Variants in ZC3H18 observed in about 807,000 individuals in gnomAD.
The protein encoded by ZC3H18 is zinc finger CCCH domain-containing protein 18.
A neutral mutation model predicts 106.1 loss-of-function variants in ZC3H18; 8 were observed. The ratio of observed to expected loss-of-function variants is 0.08; its 90% CI spans 0.04 to 0.14. ZC3H18 has a LOEUF of 0.14. ZC3H18 is among the 10% of genes least tolerant of loss of function. The probability of loss-of-function intolerance (pLI) is 1.00; values close to 1 mark genes in which losing one functional copy is unlikely to be tolerated. For synonymous variants in ZC3H18, 635 were observed against 522.1 expected, an observed-to-expected ratio of 1.22 and a Z score of -2.95; for missense variants, 1,318 against 1,278.4, an observed-to-expected ratio of 1.03 and a Z score of -0.47.
chr16:88,584,979 G>T (rs1263617783), intron 2 of ZC3H18, among the ~76,000 whole-genome samples: 2 of 152,218 alleles, frequency 1.3e-5, no homozygotes, highest in Non-Finnish European at 2.9e-5. Flanking sequence ...AACAAAGAAT[G>T]TGTTCTCCAC....
At chr16:88,628,247 C>G (rs956192161) in intron 15 of ZC3H18, 128 bp downstream of exon 15, 1 of 1,071,030 alleles carries the variant, frequency 9.3e-7, no homozygotes, top group African/African-American at 1.6e-5. Context: ...GGTGTCAGCA[C>G]AGCCTGGGTA....
chr16:88,622,124 C>G (rs1381782848), intron 8 of ZC3H18, 73 bp from the exon 9 acceptor site: 11 of 1,503,132 alleles, frequency 7.3e-6, no homozygotes, highest in Non-Finnish European at 9.0e-6. Flanking sequence ...TAGTCTCTCC[C>G]GCTGCTGTCA....
chr16:88,590,269 G>A (rs971872622), intron 3 of ZC3H18, among the ~76,000 whole-genome samples: 3 of 152,140 alleles, frequency 2.0e-5, no homozygotes, highest in African/African-American at 4.8e-5. Context: ...CTTTATCTCC[G>A]ACACGTTGTG....
intron 6 of ZC3H18, among the ~76,000 whole-genome samples, chr16:88,608,014 T>A (rs1362782753): frequency 2.6e-5 from 4 of 152,262 alleles, no homozygotes; most frequent in Admixed American, 1.3e-4. Flanking sequence ...ATAATCTGTG[T>A]CTGTGAAGAC....
chr16:88,614,580 T>A (rs1905465173), intron 8 of ZC3H18, among the ~76,000 whole-genome samples: 1 of 152,222 alleles, frequency 6.6e-6, no homozygotes, highest in Non-Finnish European at 1.5e-5. Context: ...TGTGCTGTAT[T>A]TGTCATACTT....
At chr16:88,600,065 T>C (rs1313628757) in intron 6 of ZC3H18, 117 bp downstream of exon 6, 13 of 1,305,512 alleles carry the variant, frequency 1.0e-5, no homozygotes, top group South Asian at 1.4e-5. Flanking sequence ...CCCCACTCAC[T>C]GGAGTCTCAG....
chr16:88,599,056 G>A (rs1462963556), intron 5 of ZC3H18, among the ~76,000 whole-genome samples: 1 of 152,190 alleles, frequency 6.6e-6, no homozygotes, highest in African/African-American at 2.4e-5. Flanking sequence ...GTCTCAGGCA[G>A]CAGCCCAGTA....
chr16:88,571,607 G>A (rs541617945), intron 1 of ZC3H18: 3 of 985,304 alleles, frequency 3.0e-6, no homozygotes, highest in African/African-American at 3.5e-5. Context: ...CTCCTCTCCC[G>A]TTGTAGGTGG....
At chr16:88,621,921 A>G (rs1199868783) in intron 8 of ZC3H18, among the ~76,000 whole-genome samples, 1 of 152,206 alleles carries the variant, frequency 6.6e-6, no homozygotes, top group Non-Finnish European at 1.5e-5. Flanking sequence ...TAAGTAAGTA[A>G]TGACACTCAC....
At chr16:88,571,551 G>A in intron 1 of ZC3H18, 1 of 899,400 alleles carries the variant, frequency 1.1e-6, no homozygotes, top group Non-Finnish European at 1.3e-6. Context: ...GCAGTATGGA[G>A]CCCAGCCAGC....
intron 2 of ZC3H18, among the ~76,000 whole-genome samples, chr16:88,583,532 C>T (rs1354064135): frequency 6.6e-6 from 1 of 152,246 alleles, no homozygotes; most frequent in Non-Finnish European, 1.5e-5. Context: ...GTCATGACAG[C>T]CTGGACCCAG....
At position 88,631,331 on chromosome 16, in the gene ZC3H18, A is replaced by G; in HGVS notation, c.*32A>G. 1 of 1,554,002 alleles carries G rather than the reference A, an allele frequency of 6.4e-7. No individual in the cohort carries two copies. Among genetic ancestry groups the G allele is most frequent in the Non-Finnish European group, 8.7e-7 (1 of 1,148,382 alleles). The stretch of plus-strand genomic sequence containing the variant: ...CCCCGACCGGACTGGACGCATTTTT[A>G]TACATAGGGTAAGCGCAGCCATTTT... On this transcript the variant is annotated 3_prime_UTR_variant, in exon 18 of 18. Coordinates refer to ENST00000301011, the MANE Select transcript of ZC3H18 (RefSeq NM_144604.4).
Position 88,622,203 on chromosome 16 carries a change from A to G in ZC3H18, c.1482A>G (p.Gln494=), listed in dbSNP as rs1682454094. 6.2e-7 allele frequency: 1 copy of G among 1,608,780 alleles called. No individual in the cohort carries two copies. The highest frequency in any genetic ancestry group is 8.5e-7 in the Non-Finnish European group (1 of 1,176,420). ...KPRSPQPPSR[Q]AEPPKKEAAT... ...AATGCCTCTGTAATTTCAGCCGCCAAGCTGAGCCACCAAAGAAGGAGGCTG... is the reference window on the plus strand; with the variant it reads ...AATGCCTCTGTAATTTCAGCCGCCAGGCTGAGCCACCAAAGAAGGAGGCTG... Residue 494 remains glutamine, a synonymous_variant, in exon 9 of 18, where the codon CAA becomes CAG. Coordinates refer to ENST00000301011, the MANE Select transcript of ZC3H18 (RefSeq NM_144604.4).
At chr16:88,619,325 G>A (rs1905814136) in intron 8 of ZC3H18, among the ~76,000 whole-genome samples, 3 of 152,214 alleles carry the variant, frequency 2.0e-5, no homozygotes, top group Admixed American at 2.0e-4. Context: ...GTTAAAATCA[G>A]TACCACCACG....
In ZC3H18 at chr16:88,573,350, G is replaced by A. The variant is rs1441201553; in HGVS notation, c.-15+2784G>A. ...GGGTGTTACTAATGTCGATAGCTAG[G>A]CAAGAGAGAGAATTGCCAGTTTGCC... On this transcript the variant is annotated intron_variant, in intron 1 of 17. Transcript: ENST00000301011. 1.3e-5 allele frequency among the ~76,000 whole-genome samples: 2 copies of A among 151,964 alleles called. 1 individual carries two copies. The highest frequency in any genetic ancestry group is 2.9e-5 in the Non-Finnish European group (2 of 67,904).
In ZC3H18 at chr16:88,628,760, G is replaced by C. The variant is rs372841190; in HGVS notation, c.2472G>C (p.Ala824=). The change falls in exon 16 of 18, where the codon GCG becomes GCC. Residue 824 remains alanine (A), a splice_region_variant and synonymous_variant. Transcript: ENST00000301011. ...KEIKLTLLNK[A]ADKGSRKRYE... is the part of the protein sequence containing the mutation. ...CACTGGCCTCTCTCTTGTCCCAGGC[G>C]GCTGATAAAGGAAGCAGGAAGCGCT... 1.2e-6 allele frequency: 2 copies of C among 1,613,824 alleles called. No homozygotes were observed.
chr16:88,600,305 G>A (rs1238840026), intron 6 of ZC3H18, among the ~76,000 whole-genome samples: 2 of 152,202 alleles, frequency 1.3e-5, no homozygotes, highest in Admixed American at 6.5e-5. Flanking sequence ...GCCAGGAAAC[G>A]TGTGGAGGTT....
At chr16:88,623,532 C>T in intron 10 of ZC3H18, 188 bp downstream of exon 10, 1 of 755,044 alleles carries the variant, frequency 1.3e-6, no homozygotes, top group South Asian at 1.9e-5. Flanking sequence ...GGGCCCTCGT[C>T]CTTGTGTAGA....
chr16:88,625,535 T>C (rs1436895130), intron 13 of ZC3H18: 1 of 488,996 alleles, frequency 2.0e-6, no homozygotes, highest in African/African-American at 2.0e-5. Flanking sequence ...GCCTCTGCCC[T>C]GCTGACTTGA....
Sources: gnomAD v4.1 joint callset for allele counts (sites outside exome capture counted in the v4.1 genomes callset) on GRCh38, gnomAD v4.1.1 for gene constraint, MANE v1.5 for transcripts, NCBI Gene and HGNC (gene_info 2026-07-23, HGNC 2026-07-21) for gene names.